The following RIC8B variants were observed in gnomAD, a reference collection of about 807,000 sequenced individuals.
RIC8B encodes the protein RIC8 guanine nucleotide exchange factor B, also known as chaperone Ric-8B.
RIC8B carries 16 observed loss-of-function variants against 57.5 expected under a neutral mutation model. The ratio of observed to expected loss-of-function variants is 0.28; its 90% CI spans 0.19 to 0.42. The LOEUF (loss-of-function observed/expected upper bound fraction) is 0.42. Ranked by LOEUF, RIC8B falls within the 10% of genes least tolerant of loss-of-function variation. The pLI is 1.00. For missense variants in RIC8B, 481 were observed against 677.0 expected (o/e 0.71, Z 3.21); for synonymous variants, 216 against 250.8 (o/e 0.86, Z 1.31).
At chr12:106,814,023 T>C (rs1326899732) in intron 2 of RIC8B, among the ~76,000 whole-genome samples, 2 of 152,222 alleles carry the variant, frequency 1.3e-5, no homozygotes, top group South Asian at 2.1e-4. Context: ...CTACTACATA[T>C]ATTTGTACAG....
At chr12:106,858,343 T>A (rs916884779) in intron 7 of RIC8B, among the ~76,000 whole-genome samples, 5 of 152,184 alleles carry the variant, frequency 3.3e-5, no homozygotes, top group African/African-American at 1.2e-4. Context: ...CAGTAATGCT[T>A]ACAATGATAG....
chr12:106,836,278 T>C (rs2046596410), intron 4 of RIC8B, among the ~76,000 whole-genome samples: 1 of 152,218 alleles, frequency 6.6e-6, no homozygotes, highest in South Asian at 2.1e-4. Context: ...CACTCACTCC[T>C]TTACTGATCT....
At chr12:106,822,077 C>CAAAAAA (rs67378158) in intron 3 of RIC8B, among the ~76,000 whole-genome samples, 39 of 37,994 alleles carry the variant, frequency 1.0e-3, no homozygotes, top group Admixed American at 1.7e-3. Flanking sequence ...GACTCCATCT[C>CAAAAAA]AAAAAAAAAA....
intron 1 of RIC8B, among the ~76,000 whole-genome samples, chr12:106,783,291 T>C (rs1003830609): frequency 2.0e-4 from 31 of 152,216 alleles, no homozygotes; most frequent in African/African-American, 7.0e-4. Flanking sequence ...AGTCTCTCTA[T>C]GAACTAGGTA....
In RIC8B at chr12:106,853,453, C is replaced by CTTTTTTTTTTTTTTTTTTTTTTTT. The variant is rs758876525; in HGVS notation, c.1306+1869_1306+1892dup. ...GACCTCAACAATTCTGCTTTATAGT[C>CTTTTTTTTTTTTTTTTTTTTTTTT]TTTTTTTTTTTTTTTTTTTTTTTTT... On this transcript the variant is annotated intron_variant, in intron 7 of 9. Transcript: ENST00000392837. Among the ~76,000 whole-genome samples the CTTTTTTTTTTTTTTTTTTTTTTTT allele has an allele frequency of 3.2e-4, 12 of 38,036 alleles. 3 individuals are homozygous for CTTTTTTTTTTTTTTTTTTTTTTTT. Among genetic ancestry groups the CTTTTTTTTTTTTTTTTTTTTTTTT allele is most frequent in the African/African-American group, 5.3e-4 (4 of 7,602 alleles). 25.0% of individuals were successfully genotyped at this position (38,036 alleles called of 152,430 possible). A position where few individuals can be genotyped will look rare whatever the true frequency, so the allele number is the denominator to read the frequency against.
At chr12:106,861,485 C>T (rs1403242483) in intron 8 of RIC8B, among the ~76,000 whole-genome samples, 3 of 151,992 alleles carry the variant, frequency 2.0e-5, no homozygotes, top group Non-Finnish European at 2.9e-5. Flanking sequence ...TTAGCATCCC[C>T]AATGCCATCA....
intron 3 of RIC8B, among the ~76,000 whole-genome samples, chr12:106,817,606 TC>T (rs2045631535): frequency 6.6e-6 from 1 of 151,676 alleles, no homozygotes; most frequent in African/African-American, 2.4e-5. Context: ...GATCACGAGG[TC>T]AGGAGATCAG....
chr12:106,779,141 G>C (rs941505064), intron 1 of RIC8B, among the ~76,000 whole-genome samples: 1 of 152,102 alleles, frequency 6.6e-6, no homozygotes, highest in African/African-American at 2.4e-5. Flanking sequence ...TCGAATTTCC[G>C]ACCTCAGGTG....
intron 8 of RIC8B, among the ~76,000 whole-genome samples, chr12:106,868,848 CTTTTTT>C (rs572218268): frequency 1.2e-5 from 1 of 85,538 alleles, no homozygotes; most frequent in Admixed American, 1.2e-4. Flanking sequence ...GAGGCCCAAG[CTTTTTT>C]TTTTTTTTTT....
At chr12:106,833,262 G>C (rs1178138269) in intron 4 of RIC8B, among the ~76,000 whole-genome samples, 1 of 152,074 alleles carries the variant, frequency 6.6e-6, no homozygotes, top group Non-Finnish European at 1.5e-5. Context: ...ATAACATAGA[G>C]ATTAATATTT....
At chr12:106,836,423 A>G (rs1009157387) in intron 4 of RIC8B, among the ~76,000 whole-genome samples, 1 of 152,172 alleles carries the variant, frequency 6.6e-6, no homozygotes, top group Non-Finnish European at 1.5e-5. Context: ...CTTGGATGTC[A>G]ACTAGACACC....
At chr12:106,785,627 G>A (rs900800739) in intron 2 of RIC8B, among the ~76,000 whole-genome samples, 4 of 152,070 alleles carry the variant, frequency 2.6e-5, no homozygotes, top group Non-Finnish European at 5.9e-5. Flanking sequence ...TTTTGGATTT[G>A]AACAATGTAA....
chr12:106,883,054 C>T (rs1030436977), intron 9 of RIC8B, among the ~76,000 whole-genome samples: 2 of 152,134 alleles, frequency 1.3e-5, no homozygotes, highest in African/African-American at 4.8e-5. Flanking sequence ...AGATACTTCA[C>T]ACAAGTTAGT....
chr12:106,827,034 C>T (rs906765687), intron 4 of RIC8B, among the ~76,000 whole-genome samples: 1 of 152,126 alleles, frequency 6.6e-6, no homozygotes, highest in African/African-American at 2.4e-5. Flanking sequence ...GAAATTCCGC[C>T]ACTGTACTCC....
intron 2 of RIC8B, among the ~76,000 whole-genome samples, chr12:106,789,929 CA>C (rs35721528): frequency 2.1e-3 from 304 of 142,640 alleles, no homozygotes; most frequent in African/African-American, 5.8e-3. Flanking sequence ...CAGTGCCCTT[CA>C]AAAAAAAAAA....
At chr12:106,797,087 TTGGAAA>T (rs1472184701) in intron 2 of RIC8B, among the ~76,000 whole-genome samples, 1 of 152,176 alleles carries the variant, frequency 6.6e-6, no homozygotes, top group Non-Finnish European at 1.5e-5. Context: ...GTGCAGCACT[TTGGAAA>T]ACAGTCTGGT....
chr12:106,872,529 G>A (rs933013929), intron 9 of RIC8B, among the ~76,000 whole-genome samples: 4 of 152,076 alleles, frequency 2.6e-5, no homozygotes, highest in Non-Finnish European at 5.9e-5. Flanking sequence ...TTAGCCGGGT[G>A]TGGTGGCACA....
chr12:106,852,708 G>A (rs1429287066), intron 7 of RIC8B, among the ~76,000 whole-genome samples: 5 of 152,126 alleles, frequency 3.3e-5, no homozygotes, highest in Non-Finnish European at 7.3e-5. Flanking sequence ...GCCCAAATTT[G>A]GGTCCTGTCT....
intron 4 of RIC8B, among the ~76,000 whole-genome samples, chr12:106,827,666 T>TTA (rs2046169802): frequency 6.6e-6 from 1 of 152,188 alleles, no homozygotes. Context: ...AAACATTCCT[T>TTA]TAGTTTTCTT....
Sources: allele counts gnomAD v4.1 joint callset (sites outside exome capture counted in the v4.1 genomes callset), GRCh38; gene constraint gnomAD v4.1.1; transcripts MANE v1.5; gene names NCBI Gene and HGNC (gene_info 2026-07-23, HGNC 2026-07-21).